The following PRIM1 variants were observed in gnomAD, a reference collection of about 807,000 sequenced individuals.
PRIM1 encodes the protein DNA primase subunit 1.
Under a neutral mutation model 60.2 loss-of-function variants are expected in PRIM1, and 38 were observed. The observed-to-expected ratio is 0.63, with a 90% CI of 0.49 to 0.83. PRIM1 has a LOEUF of 0.83. PRIM1 is among the 40% of genes least tolerant of loss of function. PRIM1 has a pLI of 0.00. For synonymous variants in PRIM1, 158 were observed against 160.2 expected, an observed-to-expected ratio of 0.99 and a Z score of 0.10; for missense variants, 388 against 506.2, an observed-to-expected ratio of 0.77 and a Z score of 2.24.
Position 56,741,436 on chromosome 12 carries a change from T to C in PRIM1, c.981A>G (p.Thr327=). Reference sequence around the variant, plus strand: ...TTCCTTAGTTTCCTTGTGTAGTACCTGTTTTAGGATGAACACTAAAAGGGC... The same window carrying C: ...TTCCTTAGTTTCCTTGTGTAGTACCCGTTTTAGGATGAACACTAAAAGGGC... The part of the protein sequence containing the change: ...LKSPFSVHPK[T]GRISVPIDLQ... Residue 327 remains threonine (T), a splice_region_variant and synonymous_variant, in exon 9 of 13, where the codon ACA becomes ACG. Coordinates refer to ENST00000338193, the MANE Select transcript of PRIM1 (RefSeq NM_000946.3). 1.2e-6 allele frequency: 2 copies of C among 1,603,932 alleles called. No homozygotes were observed. Among genetic ancestry groups the C allele is most frequent in the Non-Finnish European group, 1.7e-6 (2 of 1,177,518 alleles).
intron 11 of PRIM1, among the ~76,000 whole-genome samples, chr12:56,735,464 A>T (rs1322547174): frequency 1.3e-5 from 2 of 151,970 alleles, no homozygotes; most frequent in African/African-American, 4.8e-5. Flanking sequence ...GTGCAATTGC[A>T]GCTCACTGCA....
chr12:56,743,846 G>C (rs2137864626), intron 6 of PRIM1: 2 of 419,084 alleles, frequency 4.8e-6, no homozygotes, highest in East Asian at 7.2e-5. Context: ...TATAAATGGA[G>C]ATACCATCAA....
At chr12:56,743,427 G>C (rs895887412) in intron 6 of PRIM1, 1 of 174,438 alleles carries the variant, frequency 5.7e-6, no homozygotes, top group African/African-American at 2.4e-5. Context: ...TAGAATGTGG[G>C]ATGCAGCCTA....
At chr12:56,734,778 T>TATATATATATATATATATATATATA (rs1555228415) in intron 11 of PRIM1, among the ~76,000 whole-genome samples, 3 of 140,292 alleles carry the variant, frequency 2.1e-5, no homozygotes, top group African/African-American at 8.0e-5. Context: ...TCTTTTATAT[T>TATATATATATATATATATATATATA]TATATATATA....
chr12:56,750,477 G>A (rs1437188286), intron 2 of PRIM1, among the ~76,000 whole-genome samples: 1 of 152,072 alleles, frequency 6.6e-6, no homozygotes, highest in African/African-American at 2.4e-5. Context: ...ACACTTAAAC[G>A]TGGTAAAGAT....
chr12:56,737,955 C>T (rs558293153), intron 11 of PRIM1, among the ~76,000 whole-genome samples: 6 of 152,050 alleles, frequency 3.9e-5, no homozygotes, highest in Non-Finnish European at 8.8e-5. Context: ...GAACTCCTGA[C>T]CTCAAGTGAT....
rs1253110770 is a variant in PRIM1, at chr12:56,741,918, G to A, written c.749-81C>T. The A allele has an allele frequency of 3.3e-6, 4 of 1,216,714 alleles. No homozygotes were observed. The African/African-American group carries it at 6.0e-5, about 18-fold the overall frequency. 75.4% of individuals were successfully genotyped at this position (1,216,714 alleles called of 1,614,324 possible). Reference sequence around the variant, plus strand: ...TTTAAGTATGTATTACCACAAGGGTGTCTTACAAATATTCAGAAAGTAGTT... The same window carrying A: ...TTTAAGTATGTATTACCACAAGGGTATCTTACAAATATTCAGAAAGTAGTT... On this transcript the variant is annotated intron_variant, in intron 7 of 12. Coordinates refer to ENST00000338193, the MANE Select transcript of PRIM1 (RefSeq NM_000946.3).
At chr12:56,746,686 G>C in intron 4 of PRIM1, 95 bp downstream of exon 4, 1 of 1,019,840 alleles carries the variant, frequency 9.8e-7, no homozygotes, top group Non-Finnish European at 1.5e-6. Context: ...AAATTAATGA[G>C]ATTTGATCAC....
intron 12 of PRIM1, among the ~76,000 whole-genome samples, chr12:56,732,775 A>G (rs1953792773): frequency 2.2e-5 from 2 of 90,642 alleles, no homozygotes; most frequent in Non-Finnish European, 4.9e-5. Flanking sequence ...TTCCACCTCC[A>G]TACCCTTTAT....
chr12:56,739,446 AT>A, intron 9 of PRIM1, 83 bp from the exon 10 acceptor site: 1 of 934,584 alleles, frequency 1.1e-6, no homozygotes, highest in Non-Finnish European at 1.5e-6. Context: ...TTTGGTTAAA[AT>A]TTTTATTTAA....
rs1300718007 is a variant in PRIM1 at position 56,743,100 on chromosome 12, T to A, written c.639-4A>T. Reference sequence around the variant, plus strand: ...TTTTATTATGTTTATAGATTTTCTGTAAGAACAACAATAACAACAGAGTCC... The same window carrying A: ...TTTTATTATGTTTATAGATTTTCTGAAAGAACAACAATAACAACAGAGTCC... On this transcript the variant is annotated splice_region_variant and splice_polypyrimidine_tract_variant and intron_variant, in intron 6 of 12. Transcript: ENST00000338193. 3 of 1,518,052 alleles carry A rather than the reference T, an allele frequency of 2.0e-6. No homozygotes were observed. Among genetic ancestry groups the A allele is most frequent in the Non-Finnish European group, 2.6e-6 (3 of 1,137,338 alleles). 94.0% of individuals were successfully genotyped at this position (1,518,052 alleles called of 1,614,324 possible).
chr12:56,749,552 G>C (rs545638394), intron 2 of PRIM1, among the ~76,000 whole-genome samples: 3 of 152,186 alleles, frequency 2.0e-5, no homozygotes, highest in African/African-American at 7.2e-5. Context: ...CCTATAAAGG[G>C]GAAGTAAAAC....
At chr12:56,740,959 A>T (rs75607406) in intron 9 of PRIM1, among the ~76,000 whole-genome samples, 1 of 152,164 alleles carries the variant, frequency 6.6e-6, no homozygotes, top group African/African-American at 2.4e-5. Context: ...AACTACAGGC[A>T]TGCACCACCA....
In PRIM1 at chr12:56,746,129, A is replaced by C; in HGVS notation, c.495T>G (p.Val165=). The C allele has an allele frequency of 6.2e-7, 1 of 1,613,454 alleles. No homozygotes were observed. The stretch of plus-strand genomic sequence containing the variant: ...CTGATTCATCACAGACCCAACAATG[A>C]ACACCTCTCCTTCCAGAATATACCC... ...RLWVYSGRRG[V]HCWVCDESVR... The change falls in exon 5 of 13, where the codon GTT becomes GTG. Residue 165 remains valine, a synonymous_variant. Transcript: ENST00000338193.
At chr12:56,740,435 C>G (rs1367606172) in intron 9 of PRIM1, among the ~76,000 whole-genome samples, 2 of 152,212 alleles carry the variant, frequency 1.3e-5, no homozygotes, top group African/African-American at 4.8e-5. Flanking sequence ...TTCCTCTACT[C>G]TTTTATAATA....
intron 1 of PRIM1, 179 bp downstream of exon 1, chr12:56,752,017 T>C (rs1321230984): frequency 3.4e-6 from 1 of 296,520 alleles, no homozygotes; most frequent in African/African-American, 2.2e-5. Context: ...GGCTGGCTTA[T>C]TATATCCTCT....
intron 9 of PRIM1, among the ~76,000 whole-genome samples, chr12:56,740,315 A>C (rs777516924): frequency 4.6e-5 from 7 of 152,138 alleles, no homozygotes; most frequent in Non-Finnish European, 1.0e-4. Flanking sequence ...CTGAAAATAG[A>C]ACAAAATAGA....
intron 8 of PRIM1, 30 bp from the exon 9 acceptor site, chr12:56,741,606 A>G: frequency 1.2e-6 from 2 of 1,602,170 alleles, no homozygotes; most frequent in Non-Finnish European, 1.7e-6. Context: ...CAACATGAGG[A>G]TCAGTAGGAA....
rs1953913551 is a variant in PRIM1 at position 56,747,037 on chromosome 12, A to G, written c.262-5T>C. 2.5e-6 allele frequency: 4 copies of G among 1,600,296 alleles called. No individual in the cohort carries two copies. The East Asian group carries it at 8.9e-5, about 36-fold the overall frequency. Reference sequence around the variant, plus strand: ...CACTGTATTGTGTTGATTGGGCTACAGATACAAAATATTGATCAGTTTCTA... The same window carrying G: ...CACTGTATTGTGTTGATTGGGCTACGGATACAAAATATTGATCAGTTTCTA... On this transcript the variant is annotated splice_region_variant and splice_polypyrimidine_tract_variant and intron_variant, in intron 2 of 12. Coordinates refer to ENST00000338193, the MANE Select transcript of PRIM1 (RefSeq NM_000946.3).
Sources: gnomAD v4.1 joint callset for allele counts (sites outside exome capture counted in the v4.1 genomes callset) on GRCh38, gnomAD v4.1.1 for gene constraint, MANE v1.5 for transcripts, NCBI Gene and HGNC (gene_info 2026-07-23, HGNC 2026-07-21) for gene names.